ZFP30: variants seen among roughly 807,000 people sequenced by gnomAD.
The protein encoded by ZFP30 is ZFP30 zinc finger protein.
In ZFP30, 16 loss-of-function variants were observed where a neutral mutation model predicts 12.3. The ratio of observed to expected loss-of-function variants is 1.30; its 90% CI spans 0.88 to 1.98. The LOEUF is 1.98. ZFP30 is among the 30% of genes most tolerant of loss of function. The pLI is 0.00. For missense variants in ZFP30, 560 were observed against 611.2 expected, an observed-to-expected ratio of 0.92 and a Z score of 0.88; for synonymous variants, 172 against 201.0, an observed-to-expected ratio of 0.86 and a Z score of 1.22.
At position 37,635,736 on chromosome 19, in the gene ZFP30, G is replaced by A. The variant is rs1353701497; in HGVS notation, c.805C>T (p.Pro269Ser). The A allele has an allele frequency of 2.5e-6, 4 of 1,614,168 alleles. No individual in the cohort carries two copies. The highest frequency in any genetic ancestry group is 1.3e-5 in the African/African-American group (1 of 75,040). Residue 269 changes from proline to serine, a missense_variant, in exon 6 of 6, where the codon CCC (proline) becomes TCC (serine). Physicochemically the swap from Pro to Ser is moderately conservative, Grantham distance 74. Coordinates refer to ENST00000684514, the MANE Select transcript of ZFP30 (RefSeq NM_001320669.3). The part of the protein sequence containing the change: ...LHQRIHTGEK[P>S]YECKECGKAF... ...TTCCCACATTCTTTACATTCATAGG[G>A]TTTCTCACCCGTGTGAATCCTTTGA... is the stretch of plus-strand genomic sequence containing the variant.
chr19:37,633,170 CA>C lies in ZFP30; in HGVS notation c.*1810del, dbSNP rs60890146. 0.011 allele frequency: 869 copies of C among 80,132 alleles called. 3 individuals carry two copies. The highest frequency in any genetic ancestry group is 0.042 in the African/African-American group (740 of 17,568). 5.0% of individuals were successfully genotyped at this position (80,132 alleles called of 1,614,324 possible). ...TGGGCGAAAGAGCGAGACTCCGTCT[CA>C]AAAAAAAAAAAAAAAAAGGTGCATA... On this transcript the variant is annotated 3_prime_UTR_variant, in exon 6 of 6. Transcript: ENST00000684514.
chr19:37,644,870 GC>G, intron 3 of ZFP30, 134 bp from the exon 4 acceptor site: 1 of 890,666 alleles, frequency 1.1e-6, no homozygotes, highest in Non-Finnish European at 1.6e-6. Context: ...ACTGCTTGAG[GC>G]CAGGAGTTTG....
chr19:37,639,000 G>GA (rs1568381425), intron 5 of ZFP30, among the ~76,000 whole-genome samples: 1 of 152,038 alleles, frequency 6.6e-6, no homozygotes, highest in Non-Finnish European at 1.5e-5. Context: ...ACGCTAAAAA[G>GA]ATAGTAAAAG....
chr19:37,633,319 G>A lies in ZFP30; in HGVS notation c.*1662C>T, dbSNP rs1260315024. 6.8e-6 allele frequency: 1 copy of A among 146,630 alleles called. No homozygotes were observed. The highest frequency in any genetic ancestry group is 2.5e-5 in the African/African-American group (1 of 39,600). The allele number at this position is 146,630 out of a possible 1,614,324, so 9.1% of individuals were successfully genotyped here. On this transcript the variant is annotated 3_prime_UTR_variant, in exon 6 of 6. Transcript: ENST00000684514. ...TAATATTCCAATCCCAATGTGTAGA[G>A]CTTTGGCAACATCCACAAGTTTTAA...
chr19:37,636,376 G>C, intron 5 of ZFP30, 71 bp from the exon 6 acceptor site: 19 of 1,046,246 alleles, frequency 1.8e-5, no homozygotes, highest in East Asian at 3.3e-5. Flanking sequence ...CTTTATAATA[G>C]AAATCGGTGA....
In ZFP30 at chr19:37,632,562, A is replaced by T. The variant is rs2044250005; in HGVS notation, c.*2419T>A. 1 of 152,178 alleles carries T rather than the reference A, an allele frequency of 6.6e-6. No individual in the cohort carries two copies. The highest frequency in any genetic ancestry group is 2.4e-5 in the African/African-American group (1 of 41,428). The allele number at this position is 152,178 out of a possible 1,614,324, so 9.4% of individuals were successfully genotyped here. A position where few individuals can be genotyped will look rare whatever the true frequency, so the allele number is the denominator to read the frequency against. ...GAGCTACATATATAAATTTTCCTATAACAATTTTAAAAACAAAAAAGTGTT... is the reference window on the plus strand; with the variant it reads ...GAGCTACATATATAAATTTTCCTATTACAATTTTAAAAACAAAAAAGTGTT... On this transcript the variant is annotated 3_prime_UTR_variant, in exon 6 of 6. Coordinates refer to ENST00000684514, the MANE Select transcript of ZFP30 (RefSeq NM_001320669.3).
upstream of ZFP30, chr19:37,656,160 T>C (rs2044751919): frequency 6.5e-6 from 1 of 152,688 alleles, no homozygotes; most frequent in African/African-American, 2.4e-5. Flanking sequence ...AGTGTTTCCG[T>C]GCACGGGGCT....
chr19:37,644,875 G>A (rs754574503), intron 3 of ZFP30, 139 bp from the exon 4 acceptor site: 9 of 828,834 alleles, frequency 1.1e-5, no homozygotes, highest in Admixed American at 3.0e-5. Context: ...TTGAGGCCAG[G>A]AGTTTGAGAC....
chr19:37,652,961 C>A (rs2044681565), intron 2 of ZFP30, among the ~76,000 whole-genome samples: 1 of 151,456 alleles, frequency 6.6e-6, no homozygotes, highest in South Asian at 2.1e-4. Flanking sequence ...CTACTAAATA[C>A]AAAAAATTAG....
chr19:37,640,431 T>C (rs1473077145), intron 5 of ZFP30, among the ~76,000 whole-genome samples: 1 of 149,520 alleles, frequency 6.7e-6, no homozygotes, highest in African/African-American at 2.4e-5. Context: ...TATAATTTAA[T>C]ATTAACTAAT....
rs1457453583 is a variant in ZFP30, at chr19:37,632,322, C to G, written c.*2659G>C. ...TATATATACCTACACACTATACACA[C>G]ACACATTACATATATGTAGTATAGC... On this transcript the variant is annotated 3_prime_UTR_variant, in exon 6 of 6. Transcript: ENST00000684514. The G allele has an allele frequency of 6.6e-6, 1 of 151,996 alleles. No individual in the cohort carries two copies. Among genetic ancestry groups the G allele is most frequent in the African/African-American group, 2.4e-5 (1 of 41,394 alleles). 9.4% of individuals were successfully genotyped at this position (151,996 alleles called of 1,614,324 possible). A position where few individuals can be genotyped will look rare whatever the true frequency, so the allele number is the denominator to read the frequency against.
At chr19:37,636,750 G>A (rs938289485) in intron 5 of ZFP30, among the ~76,000 whole-genome samples, 4 of 150,536 alleles carry the variant, frequency 2.7e-5, no homozygotes, top group Non-Finnish European at 4.4e-5. Flanking sequence ...AGTCTCTGTC[G>A]CCCAGGTTGT....
rs1257772024 is a variant in ZFP30 at position 37,643,346 on chromosome 19, T to G, written c.154A>C (p.Lys52Gln). ...TCCAATAGGGTGATCACATCTGGCT[T>G]AGAAATAGAACATCCTGCTTAAAAA... is the stretch of plus-strand genomic sequence containing the variant. The part of the protein sequence containing the change: ...LVSLAGCSIS[K>Q]PDVITLLEQG... The change falls in exon 5 of 6, where the codon AAG becomes CAG. Residue 52 changes from lysine (K) to glutamine (Q), a missense_variant. Physicochemically the swap from Lys to Gln is moderately conservative, Grantham distance 53 (BLOSUM62 1). Coordinates refer to ENST00000684514, the MANE Select transcript of ZFP30 (RefSeq NM_001320669.3). 1 of 1,591,770 alleles carries G rather than the reference T, an allele frequency of 6.3e-7. No individual in the cohort carries two copies. The highest frequency in any genetic ancestry group is 8.5e-7 in the Non-Finnish European group (1 of 1,169,904).
intron 3 of ZFP30, 76 bp downstream of exon 3, chr19:37,647,738 A>G: frequency 6.3e-7 from 1 of 1,577,824 alleles, no homozygotes. Flanking sequence ...AGAAAGTTGC[A>G]GAATAACAAA....
intron 2 of ZFP30, among the ~76,000 whole-genome samples, chr19:37,650,043 G>A (rs2095704442): frequency 6.6e-6 from 1 of 151,870 alleles, no homozygotes; most frequent in African/African-American, 2.4e-5. Flanking sequence ...CTGTGAATTG[G>A]AATAAAATTT....
Position 37,632,648 on chromosome 19 carries a change from C to G in ZFP30, c.*2333G>C, listed in dbSNP as rs977798708. ...CTAAAATATTATTTCAATATGTACTCAATATGAAAAATTGAGATACTTAAC... is the reference window on the plus strand; with the variant it reads ...CTAAAATATTATTTCAATATGTACTGAATATGAAAAATTGAGATACTTAAC... On this transcript the variant is annotated 3_prime_UTR_variant, in exon 6 of 6. Transcript: ENST00000684514. 6 of 152,028 alleles carry G rather than the reference C, an allele frequency of 3.9e-5. No individual in the cohort carries two copies. Among genetic ancestry groups the G allele is most frequent in the African/African-American group, 1.4e-4 (6 of 41,402 alleles). The allele number at this position is 152,028 out of a possible 1,614,324, so 9.4% of individuals were successfully genotyped here.
At chr19:37,639,966 T>C (rs2044403382) in intron 5 of ZFP30, among the ~76,000 whole-genome samples, 1 of 152,196 alleles carries the variant, frequency 6.6e-6, no homozygotes, top group African/African-American at 2.4e-5. Flanking sequence ...ATAGCCATGT[T>C]TGTTCCCAAG....
rs1599606262 is a variant in ZFP30, at chr19:37,634,880, G to T, written c.*101C>A. The T allele has an allele frequency of 7.8e-7, 1 of 1,277,476 alleles. No individual in the cohort carries two copies. The highest frequency in any genetic ancestry group is 1.0e-6 in the Non-Finnish European group (1 of 967,832). 79.1% of individuals were successfully genotyped at this position (1,277,476 alleles called of 1,614,324 possible). Reference sequence around the variant, plus strand: ...AATAAAACTTCCTATGCTTAGTTGTGAGCATGAAGCAAAAGGGATTCCCAC... The same window carrying T: ...AATAAAACTTCCTATGCTTAGTTGTTAGCATGAAGCAAAAGGGATTCCCAC... On this transcript the variant is annotated 3_prime_UTR_variant, in exon 6 of 6. Coordinates refer to ENST00000684514, the MANE Select transcript of ZFP30 (RefSeq NM_001320669.3).
In ZFP30 at chr19:37,635,163, G is replaced by A. The variant is rs1470304402; in HGVS notation, c.1378C>T (p.His460Tyr). The change falls in exon 6 of 6, where the codon CAT becomes TAT. Residue 460 changes from histidine to tyrosine, a missense_variant. Transcript: ENST00000684514. ...CAGTCATAGGGCTTTTCACCAGTAT[G>A]AATACTTTGATGTTGGGTAAGTTGT... Reference protein sequence around the residue: ...LSQLTQHQSIHTGEKPYDCKE... With the variant: ...LSQLTQHQSIYTGEKPYDCKE... 6.2e-7 allele frequency: 1 copy of A among 1,612,362 alleles called. No individual in the cohort carries two copies. The highest frequency in any genetic ancestry group is 8.5e-7 in the Non-Finnish European group (1 of 1,179,046).
Sources: gnomAD v4.1 joint callset for allele counts (sites outside exome capture counted in the v4.1 genomes callset) on GRCh38, gnomAD v4.1.1 for gene constraint, MANE v1.5 for transcripts, NCBI Gene and HGNC (gene_info 2026-07-23, HGNC 2026-07-21) for gene names.